Variants in PTBP3 observed in about 807,000 individuals in gnomAD.
PTBP3 encodes the protein polypyrimidine tract-binding protein 3.
PTBP3 carries 20 observed loss-of-function variants against 58.7 expected under a neutral mutation model. That is an observed-to-expected ratio of 0.34 (90% confidence interval 0.24 to 0.50). The LOEUF (loss-of-function observed/expected upper bound fraction) is 0.50, where lower values mean the gene tolerates loss of function less well. Among genes scored for constraint, PTBP3 ranks in the 20% least tolerant of loss-of-function variants. The probability of loss-of-function intolerance (pLI) is 0.98; values close to 1 mark genes in which losing one functional copy is unlikely to be tolerated. For missense variants in PTBP3, 509 were observed against 637.2 expected, an observed-to-expected ratio of 0.80 and a Z score of 2.17; for synonymous variants, 185 against 219.8, an observed-to-expected ratio of 0.84 and a Z score of 1.40.
intron 2 of PTBP3, among the ~76,000 whole-genome samples, chr9:112,284,829 G>A (rs577341111): frequency 1.4e-5 from 2 of 138,264 alleles, no homozygotes; most frequent in East Asian, 2.1e-4. Context: ...ATTTGGAATG[G>A]GAGCATTCAT....
At chr9:112,224,296 G>A in intron 12 of PTBP3, 86 bp from the exon 13 acceptor site, 4 of 804,556 alleles carry the variant, frequency 5.0e-6, no homozygotes, top group East Asian at 2.8e-5. Context: ...AATCTCTAGA[G>A]TACATTTCAA....
intron 3 of PTBP3, 25 bp downstream of exon 3, chr9:112,275,817 CTT>C (rs1318163802): frequency 6.4e-7 from 1 of 1,559,594 alleles, no homozygotes. Context: ...GATAATCACT[CTT>C]TGTCAATCTT....
chr9:112,232,916 C>T (rs1169158446), intron 8 of PTBP3, among the ~76,000 whole-genome samples: 1 of 152,074 alleles, frequency 6.6e-6, no homozygotes, highest in African/African-American at 2.4e-5. Flanking sequence ...AGCTTAAAAC[C>T]TGTCTAAGGT....
chr9:112,346,311 T>A, the PTBP3 span, among the ~76,000 whole-genome samples: 3 of 151,656 alleles, frequency 2.0e-5, no homozygotes, highest in Admixed American at 2.0e-4. Flanking sequence ...GGGACAAAGG[T>A]GCGTGCCACC....
At chr9:112,340,836 A>G in the PTBP3 span, among the ~76,000 whole-genome samples, 2 of 151,478 alleles carry the variant, frequency 1.3e-5, no homozygotes, top group African/African-American at 2.4e-5. Context: ...AGATCGCGCC[A>G]TTGCACTCCC....
intron 10 of PTBP3, among the ~76,000 whole-genome samples, chr9:112,230,063 T>G (rs1835141813): frequency 1.3e-5 from 2 of 152,210 alleles, no homozygotes. Flanking sequence ...AAAATTGGAC[T>G]GTGGTGATGG....
Position 112,223,813 on chromosome 9 carries a change from A to ACC in PTBP3, c.*37_*38insGG. 1 of 1,613,060 alleles carries ACC rather than the reference A, an allele frequency of 6.2e-7. No individual in the cohort carries two copies. The highest frequency in any genetic ancestry group is 8.5e-7 in the Non-Finnish European group (1 of 1,179,540). On this transcript the variant is annotated 3_prime_UTR_variant, in exon 14 of 14. Transcript: ENST00000374257. ...GTCTATGTCTGAAGGTTTTACTGAA[A>ACC]TTATGGTCCAGTTTTAGGAGAAAAA...
chr9:112,261,106 A>G (rs557967558), intron 5 of PTBP3, among the ~76,000 whole-genome samples: 10 of 152,362 alleles, frequency 6.6e-5, no homozygotes, highest in South Asian at 6.2e-4. Context: ...TTAGTCTTCA[A>G]TGCCACTTTC....
chr9:112,268,051 C>T lies in PTBP3; in HGVS notation c.349G>A (p.Ala117Thr). 2 of 1,607,568 alleles carry T rather than the reference C, an allele frequency of 1.2e-6. No individual in the cohort carries two copies. Among genetic ancestry groups the T allele is most frequent in the South Asian group, 2.2e-5 (2 of 89,736 alleles). The change falls in exon 4 of 14, where the codon GCT becomes ACT. Residue 117 changes from alanine to threonine, a missense_variant and splice_region_variant. Coordinates refer to ENST00000374257, the MANE Select transcript of PTBP3 (RefSeq NM_001163788.4). ...TTAAAAACATCTTTAATACTTACAG[C>T]TTGATTAGGTAGATTGTCAGTCTTA... is the stretch of plus-strand genomic sequence containing the variant. The part of the protein sequence containing the change: ...ELKTDNLPNQ[A>T]RAQAALQAVS...
chr9:112,244,981 C>G (rs1365203921), intron 7 of PTBP3, among the ~76,000 whole-genome samples: 3 of 152,040 alleles, frequency 2.0e-5, no homozygotes, highest in Non-Finnish European at 4.4e-5. Context: ...ACAACTAGAC[C>G]ATTGTAGCAA....
At chr9:112,321,687 C>G (rs1829958691) in intron 1 of PTBP3, among the ~76,000 whole-genome samples, 2 of 152,138 alleles carry the variant, frequency 1.3e-5, no homozygotes, top group Admixed American at 1.3e-4. Flanking sequence ...TTGTCTGGAG[C>G]AGAATCTGCT....
intron 7 of PTBP3, among the ~76,000 whole-genome samples, chr9:112,241,067 G>C (rs1417010683): frequency 6.6e-6 from 1 of 151,976 alleles, no homozygotes; most frequent in Admixed American, 6.6e-5. Flanking sequence ...GAAAGTTGTA[G>C]TAAGCTAAGG....
the PTBP3 span, among the ~76,000 whole-genome samples, chr9:112,360,452 T>C: frequency 6.6e-6 from 1 of 152,168 alleles, no homozygotes; most frequent in African/African-American, 2.4e-5. Flanking sequence ...TCCTAAAGTG[T>C]TACGATTACA....
At chr9:112,346,249 C>G in the PTBP3 span, among the ~76,000 whole-genome samples, 8 of 151,862 alleles carry the variant, frequency 5.3e-5, no homozygotes, top group African/African-American at 1.9e-4. Context: ...CTTGCTGCAA[C>G]CTTTGTCTCC....
chr9:112,278,665 G>T (rs1827727357), intron 2 of PTBP3, among the ~76,000 whole-genome samples: 1 of 152,068 alleles, frequency 6.6e-6, no homozygotes, highest in Admixed American at 6.6e-5. Flanking sequence ...ACCATTTTAG[G>T]GTGTTAATTG....
intron 8 of PTBP3, among the ~76,000 whole-genome samples, 166 bp from the exon 9 acceptor site, chr9:112,232,404 C>T (rs1465070158): frequency 6.6e-6 from 1 of 152,190 alleles, no homozygotes; most frequent in Non-Finnish European, 1.5e-5. Context: ...AGTCTGTCTG[C>T]AAGCTGAGCT....
intron 1 of PTBP3, among the ~76,000 whole-genome samples, chr9:112,329,016 T>C (rs1377756144): frequency 6.6e-6 from 1 of 152,226 alleles, no homozygotes; most frequent in Admixed American, 6.5e-5. Flanking sequence ...GATTCTCAAC[T>C]CAGCTATATC....
intron 1 of PTBP3, among the ~76,000 whole-genome samples, chr9:112,332,144 A>G (rs891980023): frequency 2.6e-5 from 4 of 152,190 alleles, no homozygotes; most frequent in Admixed American, 6.5e-5. Context: ...TTCCCCCCCA[A>G]AATATATACA....
chr9:112,223,133 A>G lies in PTBP3; in HGVS notation c.*718T>C, dbSNP rs1589789311. On this transcript the variant is annotated 3_prime_UTR_variant, in exon 14 of 14. Transcript: ENST00000374257. ...TATTAGTTATTCTGACATCTTATTAACAGATCTTAGTTGAATTCCACTTAA... is the reference window on the plus strand; with the variant it reads ...TATTAGTTATTCTGACATCTTATTAGCAGATCTTAGTTGAATTCCACTTAA... 1.1e-6 allele frequency: 1 copy of G among 883,298 alleles called. No individual in the cohort carries two copies. The highest frequency in any genetic ancestry group is 6.2e-5 in the Admixed American group (1 of 16,098). The allele number at this position is 883,298 out of a possible 1,614,324, so 54.7% of individuals were successfully genotyped here.
Sources: allele counts gnomAD v4.1 joint callset (sites outside exome capture counted in the v4.1 genomes callset), GRCh38; gene constraint gnomAD v4.1.1; transcripts MANE v1.5; gene names NCBI Gene and HGNC (gene_info 2026-07-23, HGNC 2026-07-21).